RAB30: variants seen among roughly 807,000 people sequenced by gnomAD.
RAB30 encodes RAB30, member RAS oncogene family.
In RAB30, 9 loss-of-function variants were observed where a neutral mutation model predicts 25.1. The observed-to-expected ratio is 0.36, with a 90% CI of 0.22 to 0.63. The LOEUF (loss-of-function observed/expected upper bound fraction) is 0.63, where lower values mean the gene tolerates loss of function less well. Ranked by LOEUF, RAB30 falls within the 20% of genes least tolerant of loss-of-function variation. The pLI, the probability that RAB30 is intolerant of heterozygous loss-of-function variation, is 0.69. For synonymous variants in RAB30, 77 were observed against 86.4 expected (o/e 0.89, Z 0.60); for missense variants, 140 against 243.5 (o/e 0.58, Z 2.83).
chr11:83,020,815 T>C (rs1400685322), intron 1 of RAB30, among the ~76,000 whole-genome samples: 1 of 151,924 alleles, frequency 6.6e-6, no homozygotes, highest in Non-Finnish European at 1.5e-5. Flanking sequence ...CTGCAGACAA[T>C]GGGACAACCT....
At position 83,002,553 on chromosome 11, in the gene RAB30, G is replaced by A. The variant is rs188481581; in HGVS notation, c.-8-5229C>T. 1.4e-3 allele frequency among the ~76,000 whole-genome samples: 217 copies of A among 151,976 alleles called. 1 individual carries two copies. Among genetic ancestry groups the A allele is most frequent in the African/African-American group, 4.3e-3 (179 of 41,432 alleles). ...AAAAAATGAATTTTAAAAAGATACA[G>A]GAAAAGAAATCTAGTATGAAAAGCT... On this transcript the variant is annotated intron_variant, in intron 1 of 4. Coordinates refer to ENST00000527633, the MANE Select transcript of RAB30 (RefSeq NM_001286060.2).
At chr11:82,982,866 AAAAT>A (rs1190467463) in intron 4 of RAB30, among the ~76,000 whole-genome samples, 18 of 152,324 alleles carry the variant, frequency 1.2e-4, no homozygotes, top group African/African-American at 3.1e-4. Context: ...TGTCTCAAAA[AAAAT>A]AAATAAATAA....
intron 1 of RAB30, among the ~76,000 whole-genome samples, chr11:83,019,431 T>C (rs1004658038): frequency 6.6e-6 from 1 of 152,244 alleles, no homozygotes; most frequent in Non-Finnish European, 1.5e-5. Flanking sequence ...TGCCTGGCTA[T>C]CTCAGGAAGC....
At chr11:82,997,379 A>G in intron 1 of RAB30, 55 bp from the exon 2 acceptor site, 1 of 1,249,404 alleles carries the variant, frequency 8.0e-7, no homozygotes, top group Admixed American at 1.7e-5. Context: ...TTGCCCACAG[A>G]GCTCAAGCTG....
chr11:83,043,638 C>A (rs1271715188), intron 1 of RAB30, among the ~76,000 whole-genome samples: 1 of 152,020 alleles, frequency 6.6e-6, no homozygotes, highest in Non-Finnish European at 1.5e-5. Flanking sequence ...TCTGCCCTAC[C>A]CCCTAGTGTA....
chr11:83,026,271 C>T (rs1319965228), intron 1 of RAB30, among the ~76,000 whole-genome samples: 5 of 152,220 alleles, frequency 3.3e-5, no homozygotes, highest in South Asian at 2.1e-4. Context: ...GAATAGGATA[C>T]GTGATATGAT....
At chr11:83,052,530 T>G (rs1893936) in intron 1 of RAB30, among the ~76,000 whole-genome samples, 34,818 of 152,134 alleles carry the variant, frequency 0.23, 4,738 homozygotes, top group Admixed American at 0.33. Flanking sequence ...TGTGGGAACT[T>G]AACAGCAAGG....
chr11:83,021,177 G>A (rs925904907), intron 1 of RAB30, among the ~76,000 whole-genome samples: 4 of 152,208 alleles, frequency 2.6e-5, no homozygotes, highest in African/African-American at 4.8e-5. Context: ...TTACCCTTCC[G>A]CCTGTCTGTG....
At chr11:82,999,717 A>G (rs757690190) in intron 1 of RAB30, among the ~76,000 whole-genome samples, 4 of 151,988 alleles carry the variant, frequency 2.6e-5, no homozygotes, top group African/African-American at 4.8e-5. Context: ...AACACAAAAC[A>G]CAACTGAACC....
intron 1 of RAB30, among the ~76,000 whole-genome samples, chr11:83,031,468 G>A (rs1857856641): frequency 6.6e-6 from 1 of 151,556 alleles, no homozygotes; most frequent in African/African-American, 2.4e-5. Context: ...GACTTGATGA[G>A]ATTTTAGGAG....
At chr11:83,016,712 A>G (rs1271270688) in intron 1 of RAB30, among the ~76,000 whole-genome samples, 11 of 152,360 alleles carry the variant, frequency 7.2e-5, no homozygotes, top group African/African-American at 2.6e-4. Flanking sequence ...TATATACAAC[A>G]GCATTTGCAA....
At chr11:83,047,516 A>G (rs1250953294) in intron 1 of RAB30, among the ~76,000 whole-genome samples, 1 of 152,228 alleles carries the variant, frequency 6.6e-6, no homozygotes, top group East Asian at 1.9e-4. Context: ...CACGATACCA[A>G]AACAAGGAAT....
chr11:83,014,686 GAAAGAA>G (rs1249850424), intron 1 of RAB30, among the ~76,000 whole-genome samples: 5 of 134,600 alleles, frequency 3.7e-5, no homozygotes, highest in East Asian at 2.1e-4. Flanking sequence ...AAGAAAGAAA[GAAAGAA>G]AGAGAAAGGA....
intron 1 of RAB30, among the ~76,000 whole-genome samples, chr11:83,038,481 T>C (rs559304228): frequency 4.6e-5 from 7 of 152,186 alleles, no homozygotes; most frequent in Non-Finnish European, 1.0e-4. Flanking sequence ...TACCTCAAGA[T>C]GTTTACTGTG....
At chr11:83,032,920 T>C (rs1191364344) in intron 1 of RAB30, among the ~76,000 whole-genome samples, 1 of 152,136 alleles carries the variant, frequency 6.6e-6, no homozygotes, top group Non-Finnish European at 1.5e-5. Context: ...AAAAATCCAT[T>C]TTTTCTAAGT....
intron 1 of RAB30, among the ~76,000 whole-genome samples, chr11:83,005,152 C>A (rs756024052): frequency 1.3e-5 from 2 of 152,198 alleles, no homozygotes; most frequent in African/African-American, 2.4e-5. Flanking sequence ...GACCTCCCAA[C>A]AACCTCAAGA....
chr11:83,021,116 G>T (rs1290782820), intron 1 of RAB30, among the ~76,000 whole-genome samples: 1 of 152,164 alleles, frequency 6.6e-6, no homozygotes, highest in African/African-American at 2.4e-5. Context: ...TGCTCACTGC[G>T]GGTCTTCTCT....
At chr11:82,994,827 T>C (rs1472803773) in intron 2 of RAB30, among the ~76,000 whole-genome samples, 1 of 152,088 alleles carries the variant, frequency 6.6e-6, no homozygotes, top group Non-Finnish European at 1.5e-5. Flanking sequence ...AAGGAGACAG[T>C]AGGGTAGAAA....
intron 2 of RAB30, among the ~76,000 whole-genome samples, chr11:82,995,315 T>G (rs1856936181): frequency 6.6e-6 from 1 of 152,252 alleles, no homozygotes; most frequent in African/African-American, 2.4e-5. Context: ...ATATAAACAT[T>G]CATAACTTTA....
Sources: gnomAD v4.1 joint callset for allele counts (sites outside exome capture counted in the v4.1 genomes callset) on GRCh38, gnomAD v4.1.1 for gene constraint, MANE v1.5 for transcripts, NCBI Gene and HGNC (gene_info 2026-07-23, HGNC 2026-07-21) for gene names.